The following FBXL17 variants were observed in gnomAD, a reference collection of about 807,000 sequenced individuals.
FBXL17 encodes the protein F-box and leucine rich repeat protein 17.
Under a neutral mutation model 66.2 loss-of-function variants are expected in FBXL17, and 22 were observed. That is an observed-to-expected ratio of 0.33 (90% CI 0.24 to 0.47). The LOEUF (loss-of-function observed/expected upper bound fraction) is 0.47, where lower values mean the gene tolerates loss of function less well. FBXL17 is among the 20% of genes least tolerant of loss of function. The pLI is 1.00. For synonymous variants in FBXL17, 474 were observed against 400.5 expected (o/e 1.18, Z -2.19); for missense variants, 878 against 948.2 (o/e 0.93, Z 0.97).
In FBXL17 at chr5:108,057,644, T is replaced by C. The variant is rs1212095189; in HGVS notation, c.1746-36643A>G. On this transcript the variant is annotated intron_variant, in intron 6 of 8. Coordinates refer to ENST00000542267, the MANE Select transcript of FBXL17 (RefSeq NM_001163315.3). Reference sequence around the variant, plus strand: ...GCAGCTGAAGATGAAAGAACTTGTATACAAATGTTTAAAAGTATATAAACC... The same window carrying C: ...GCAGCTGAAGATGAAAGAACTTGTACACAAATGTTTAAAAGTATATAAACC... 7.9e-5 allele frequency among the ~76,000 whole-genome samples: 12 copies of C among 152,308 alleles called. No individual in the cohort carries two copies. The East Asian group carries it at 2.3e-3, about 29-fold the overall frequency.
chr5:107,885,908 G>A (rs575404027), intron 7 of FBXL17, among the ~76,000 whole-genome samples: 17 of 151,534 alleles, frequency 1.1e-4, no homozygotes, highest in African/African-American at 4.1e-4. Context: ...ATATAGCTTT[G>A]ACTCTCTGAA....
chr5:108,057,915 AT>A (rs1747770905), intron 6 of FBXL17, among the ~76,000 whole-genome samples: 1 of 152,212 alleles, frequency 6.6e-6, no homozygotes, highest in Non-Finnish European at 1.5e-5. Context: ...CAGTTTATCC[AT>A]AAAAAACACC....
At chr5:107,994,226 T>C (rs911075161) in intron 7 of FBXL17, among the ~76,000 whole-genome samples, 4 of 152,164 alleles carry the variant, frequency 2.6e-5, no homozygotes, top group African/African-American at 9.7e-5. Flanking sequence ...CAAATATTGA[T>C]TTTAAAAATA....
chr5:108,297,516 T>C (rs1479900366), intron 4 of FBXL17, among the ~76,000 whole-genome samples: 1 of 151,656 alleles, frequency 6.6e-6, no homozygotes, highest in Non-Finnish European at 1.5e-5. Flanking sequence ...TATGTGGCAA[T>C]TTAAAGACTC....
At chr5:107,899,400 GGAGGCCGAGGCGAGAGGGACAGCCT>G in intron 7 of FBXL17, among the ~76,000 whole-genome samples, 2 of 152,298 alleles carry the variant, frequency 1.3e-5, no homozygotes, top group South Asian at 4.1e-4. Flanking sequence ...CAGCACTCCA[GGAGGCCGAGGCGAGAGGGACAGCCT>G]GAGGCCAGGA....
intron 4 of FBXL17, among the ~76,000 whole-genome samples, chr5:108,322,162 C>A (rs2150220641): frequency 6.6e-6 from 1 of 151,980 alleles, no homozygotes; most frequent in African/African-American, 2.4e-5. Context: ...ATCACAGGGG[C>A]CTGTACACTC....
At position 108,065,916 on chromosome 5, in the gene FBXL17, G is replaced by A. The variant is rs185552743; in HGVS notation, c.1746-44915C>T. On this transcript the variant is annotated intron_variant, in intron 6 of 8. Transcript: ENST00000542267. ...CCAACAGAGTCTCACATAGGAAAGCGATGGTTGTCAACAAAACAAAACAAA... is the reference window on the plus strand; with the variant it reads ...CCAACAGAGTCTCACATAGGAAAGCAATGGTTGTCAACAAAACAAAACAAA... 6.6e-5 allele frequency among the ~76,000 whole-genome samples: 10 copies of A among 152,184 alleles called. No individual in the cohort carries two copies. The East Asian group carries it at 9.7e-4, about 15-fold the overall frequency.
intron 4 of FBXL17, among the ~76,000 whole-genome samples, chr5:108,239,495 A>C (rs1416582652): frequency 1.3e-5 from 2 of 152,156 alleles, no homozygotes; most frequent in Non-Finnish European, 2.9e-5. Flanking sequence ...GCTGGCGCCT[A>C]TGGAGGAAGC....
intron 6 of FBXL17, among the ~76,000 whole-genome samples, chr5:108,133,686 A>C (rs1363157136): frequency 6.6e-6 from 1 of 152,206 alleles, no homozygotes; most frequent in East Asian, 1.9e-4. Flanking sequence ...GAAAGCAAAG[A>C]AAAGGAAGAG....
intron 6 of FBXL17, among the ~76,000 whole-genome samples, chr5:108,077,127 T>G (rs1748584035): frequency 6.6e-6 from 1 of 152,190 alleles, no homozygotes; most frequent in Admixed American, 6.5e-5. Context: ...AGTCTGATGG[T>G]AAATACTTGG....
At chr5:108,155,181 A>C (rs1477849569) in intron 6 of FBXL17, among the ~76,000 whole-genome samples, 3 of 152,168 alleles carry the variant, frequency 2.0e-5, no homozygotes. Context: ...TAATACATAC[A>C]GCAGGTTCTT....
chr5:107,971,229 A>G (rs1752360165), intron 7 of FBXL17, among the ~76,000 whole-genome samples: 1 of 152,142 alleles, frequency 6.6e-6, no homozygotes, highest in South Asian at 2.1e-4. Flanking sequence ...ACACACAAGC[A>G]CACATCTTAA....
chr5:108,127,293 T>A (rs1056375106), intron 6 of FBXL17, among the ~76,000 whole-genome samples: 1 of 152,230 alleles, frequency 6.6e-6, no homozygotes, highest in African/African-American at 2.4e-5. Flanking sequence ...TAAATTCTGA[T>A]ACTCAAGAAC....
chr5:108,249,031 T>C (rs140777341), intron 4 of FBXL17, among the ~76,000 whole-genome samples: 115 of 152,260 alleles, frequency 7.6e-4, no homozygotes, highest in African/African-American at 2.7e-3. Context: ...ATTAATACAA[T>C]AGACTTTCCC....
At chr5:108,054,430 C>T (rs960397115) in intron 6 of FBXL17, among the ~76,000 whole-genome samples, 2 of 151,868 alleles carry the variant, frequency 1.3e-5, no homozygotes, top group Non-Finnish European at 2.9e-5. Flanking sequence ...CCTTATAGAG[C>T]CTGACTCCTC....
At chr5:107,875,788 A>T (rs1032162012) in intron 8 of FBXL17, among the ~76,000 whole-genome samples, 3 of 152,178 alleles carry the variant, frequency 2.0e-5, no homozygotes, top group East Asian at 3.8e-4. Context: ...GGTCTTGGCA[A>T]TGTCAGTTTG....
chr5:107,988,711 TTATAGA>T (rs2112687158), intron 7 of FBXL17, among the ~76,000 whole-genome samples: 1 of 151,072 alleles, frequency 6.6e-6, no homozygotes, highest in South Asian at 2.1e-4. Flanking sequence ...AATTCTTTTA[TTATAGA>T]TATAGTGCTA....
intron 6 of FBXL17, among the ~76,000 whole-genome samples, chr5:108,148,808 C>A (rs968554188): frequency 1.3e-5 from 2 of 152,156 alleles, no homozygotes; most frequent in Non-Finnish European, 2.9e-5. Flanking sequence ...ATATGTAATT[C>A]TGATGGCTGC....
At chr5:108,014,426 A>T (rs1440956497) in intron 7 of FBXL17, among the ~76,000 whole-genome samples, 1 of 152,080 alleles carries the variant, frequency 6.6e-6, no homozygotes, top group Non-Finnish European at 1.5e-5. Context: ...TTCTTAATTT[A>T]AAAAAACGAC....
Sources: allele counts gnomAD v4.1 joint callset (sites outside exome capture counted in the v4.1 genomes callset), GRCh38; gene constraint gnomAD v4.1.1; transcripts MANE v1.5; gene names NCBI Gene and HGNC (gene_info 2026-07-23, HGNC 2026-07-21).